DDB1: variants seen among roughly 807,000 people sequenced by gnomAD.
DDB1 encodes the protein damage specific DNA binding protein 1, also known as DNA damage-binding protein 1.
DDB1 carries 18 observed loss-of-function variants against 133.1 expected under a neutral mutation model. The observed-to-expected ratio is 0.14, with a 90% CI of 0.09 to 0.20. The LOEUF is 0.20. Ranked by LOEUF, DDB1 falls within the 10% of genes least tolerant of loss-of-function variation. DDB1 has a pLI of 1.00. For missense variants in DDB1, 828 were observed against 1,459.2 expected, an observed-to-expected ratio of 0.57 and a Z score of 7.05; for synonymous variants, 580 against 550.5, an observed-to-expected ratio of 1.05 and a Z score of -0.75.
chr11:61,312,999 G>C (rs1395287892), intron 16 of DDB1, among the ~76,000 whole-genome samples: 2 of 152,156 alleles, frequency 1.3e-5, no homozygotes, highest in Non-Finnish European at 2.9e-5. Flanking sequence ...TTTTATTAGA[G>C]ACAAGGTTTC....
chr11:61,315,753 T>G (rs969962658), intron 12 of DDB1: 1 of 152,796 alleles, frequency 6.5e-6, no homozygotes, highest in Admixed American at 6.5e-5. Flanking sequence ...GATAACAATA[T>G]GCCAGAAGGC....
At chr11:61,332,879 G>A in intron 1 of DDB1, 29 bp downstream of exon 1, 1 of 1,462,236 alleles carries the variant, frequency 6.8e-7, no homozygotes, top group Non-Finnish European at 9.1e-7. Context: ...TCCCTCACTC[G>A]CCGGGGTCTC....
chr11:61,324,905 T>C (rs560434790), intron 6 of DDB1, among the ~76,000 whole-genome samples: 1 of 152,270 alleles, frequency 6.6e-6, no homozygotes, highest in African/African-American at 2.4e-5. Flanking sequence ...TCCCGGCACT[T>C]TGGGAGGCTG....
chr11:61,316,966 T>C (rs56315805), intron 10 of DDB1, among the ~76,000 whole-genome samples: 1,478 of 28,828 alleles, frequency 0.051, 245 homozygotes, highest in African/African-American at 0.15. Flanking sequence ...TATATATATA[T>C]ATATATATAT....
At chr11:61,321,165 A>T (rs1022625541) in intron 10 of DDB1, 1 of 155,268 alleles carries the variant, frequency 6.4e-6, no homozygotes, top group Non-Finnish European at 1.4e-5. Flanking sequence ...GACAGGCATG[A>T]GCCACGCCAC....
chr11:61,309,129 A>G (rs1221495113), intron 20 of DDB1, 52 bp from the exon 21 acceptor site: 2 of 1,544,866 alleles, frequency 1.3e-6, no homozygotes, highest in Non-Finnish European at 1.8e-6. Context: ...ACTTTACCTC[A>G]TCAAAAGAAT....
rs1855974919 is a variant in DDB1, at chr11:61,311,785, T to G, written c.2276A>C (p.Gln759Pro). 6.2e-7 allele frequency: 1 copy of G among 1,611,772 alleles called. No homozygotes were observed. The highest frequency in any genetic ancestry group is 1.3e-5 in the African/African-American group (1 of 74,728). The change falls in exon 18 of 27, where the codon CAG becomes CCG. Residue 759 changes from glutamine to proline, a missense_variant and splice_region_variant. By Grantham distance (76) the Gln-to-Pro change is moderately conservative. Transcript: ENST00000301764. The part of the protein sequence containing the change: ...TTALRPSAST[Q>P]ALSSSVSSSK... ...TCTTTCTTTGTCCACTGCCCTTACC[T>G]GGGTGCTAGCGCTGGGCCTCAAGGC...
chr11:61,310,262 T>A (rs746341823), intron 19 of DDB1, 33 bp downstream of exon 19: 1 of 1,592,498 alleles, frequency 6.3e-7, no homozygotes, highest in East Asian at 2.2e-5. Flanking sequence ...AGGGAGGGCG[T>A]AGATAAAAAT....
intron 10 of DDB1, among the ~76,000 whole-genome samples, chr11:61,318,481 G>C (rs1856125584): frequency 6.6e-6 from 1 of 152,134 alleles, no homozygotes; most frequent in East Asian, 1.9e-4. Context: ...ATCTAGTAGA[G>C]TACTGCTGTT....
At chr11:61,308,865 C>CGCT in intron 21 of DDB1, 118 bp downstream of exon 21, 2 of 985,644 alleles carry the variant, frequency 2.0e-6, no homozygotes, top group Non-Finnish European at 3.2e-6. Flanking sequence ...CCTCCACACC[C>CGCT]GCTACTTTGT....
chr11:61,315,783 G>C (rs1856052991), intron 12 of DDB1: 1 of 152,972 alleles, frequency 6.5e-6, no homozygotes, highest in Non-Finnish European at 1.5e-5. Flanking sequence ...CCGTATTGCA[G>C]ATAGATTGAA....
intron 9 of DDB1, 106 bp from the exon 10 acceptor site, chr11:61,321,803 T>TAAA: frequency 1.0e-6 from 1 of 991,602 alleles, no homozygotes; most frequent in East Asian, 2.4e-5. Flanking sequence ...GAACCTTTAT[T>TAAA]GTGGGGCTAG....
At chr11:61,323,625 C>A (rs1448080358) in intron 7 of DDB1, 5 of 264,726 alleles carry the variant, frequency 1.9e-5, no homozygotes, top group South Asian at 1.0e-4. Flanking sequence ...ATTGCCCAGG[C>A]TAATCTCGAA....
chr11:61,305,762 C>T (rs1384708919), intron 21 of DDB1, among the ~76,000 whole-genome samples: 1 of 152,168 alleles, frequency 6.6e-6, no homozygotes, highest in Non-Finnish European at 1.5e-5. Context: ...AAGGCCAAGA[C>T]TCCCATTCTC....
intron 16 of DDB1, among the ~76,000 whole-genome samples, chr11:61,312,833 C>G (rs562451721): frequency 5.3e-5 from 8 of 151,844 alleles, no homozygotes; most frequent in Admixed American, 2.6e-4. Flanking sequence ...TCCTGACCTC[C>G]GGTGATCCAC....
intron 22 of DDB1, 68 bp downstream of exon 22, chr11:61,303,797 C>A (rs1351097591): frequency 1.9e-6 from 3 of 1,584,496 alleles, no homozygotes; most frequent in East Asian, 4.5e-5. Context: ...TATCCTTCCC[C>A]ACCAGAGACA....
At chr11:61,321,946 C>CATT (rs1199545884) in intron 9 of DDB1, 8 of 548,662 alleles carry the variant, frequency 1.5e-5, no homozygotes, top group African/African-American at 5.6e-5. Flanking sequence ...ATCGCTGGGA[C>CATT]CTAGTTTACT....
At chr11:61,318,757 C>CT (rs899231733) in intron 10 of DDB1, among the ~76,000 whole-genome samples, 1 of 152,118 alleles carries the variant, frequency 6.6e-6, no homozygotes. Flanking sequence ...GGCTTCTGTA[C>CT]TTTGAGTCAT....
At position 61,316,175 on chromosome 11, in the gene DDB1, A is replaced by G. The variant is rs765216061; in HGVS notation, c.1410+110T>C. ...GTAATTTTTTCCCTAGAATTTTTAC[A>G]TTATTTTTGGAGCCATAAAAATTGG... On this transcript the variant is annotated intron_variant, in intron 12 of 26. Coordinates refer to ENST00000301764, the MANE Select transcript of DDB1 (RefSeq NM_001923.5). The G allele has an allele frequency of 8.0e-5, 72 of 903,452 alleles. No individual in the cohort carries two copies. The South Asian group carries it at 1.1e-3, about 14-fold the overall frequency. The allele number at this position is 903,452 out of a possible 1,614,324, so 56.0% of individuals were successfully genotyped here. A position where few individuals can be genotyped will look rare whatever the true frequency, so the allele number is the denominator to read the frequency against.
Sources: allele counts gnomAD v4.1 joint callset (sites outside exome capture counted in the v4.1 genomes callset), GRCh38; gene constraint gnomAD v4.1.1; transcripts MANE v1.5; gene names NCBI Gene and HGNC (gene_info 2026-07-23, HGNC 2026-07-21).